Variants in ECT2L observed in about 807,000 individuals in gnomAD.
ECT2L encodes epithelial cell transforming 2 like.
A neutral mutation model predicts 122.8 loss-of-function variants in ECT2L; 126 were observed. That is an observed-to-expected ratio of 1.03 (90% CI 0.89 to 1.19). The LOEUF (loss-of-function observed/expected upper bound fraction) is 1.19. Among genes scored for constraint, ECT2L ranks in the 50% most tolerant of loss-of-function variants. The pLI is 0.00. For synonymous variants in ECT2L, 385 were observed against 381.8 expected, an observed-to-expected ratio of 1.01 and a Z score of -0.10; for missense variants, 1,012 against 1,064.1, an observed-to-expected ratio of 0.95 and a Z score of 0.68.
At chr6:138,880,835 C>T (rs1582651875) in intron 14 of ECT2L, 122 bp from the exon 15 acceptor site, 2 of 766,034 alleles carry the variant, frequency 2.6e-6, no homozygotes, top group African/African-American at 3.5e-5. Context: ...TCCGTAGCCC[C>T]CGTGAAGTCC....
intron 1 of ECT2L, among the ~76,000 whole-genome samples, chr6:138,799,993 G>A (rs1217108949): frequency 6.6e-6 from 1 of 152,098 alleles, no homozygotes; most frequent in Non-Finnish European, 1.5e-5. Context: ...AAATTAAGAT[G>A]TTAAATACAA....
At chr6:138,826,764 G>A (rs113633869) in intron 4 of ECT2L, among the ~76,000 whole-genome samples, 4,784 of 152,164 alleles carry the variant, frequency 0.031, 114 homozygotes, top group Middle Eastern at 0.09. Flanking sequence ...GAGATCTGGC[G>A]GGAGGTGTTT....
chr6:138,843,378 A>G, intron 6 of ECT2L, 147 bp downstream of exon 6: 1 of 771,848 alleles, frequency 1.3e-6, no homozygotes, highest in Non-Finnish European at 1.9e-6. Context: ...TTTTTTCCGT[A>G]CTGTATATTT....
intron 5 of ECT2L, among the ~76,000 whole-genome samples, chr6:138,840,456 C>T (rs1777000730): frequency 6.6e-6 from 1 of 152,000 alleles, no homozygotes; most frequent in South Asian, 2.1e-4. Context: ...CTTTTGCGTT[C>T]TATTTAATAT....
chr6:138,831,066 G>A (rs1776635450), intron 4 of ECT2L, among the ~76,000 whole-genome samples: 1 of 152,056 alleles, frequency 6.6e-6, no homozygotes, highest in African/African-American at 2.4e-5. Context: ...TATTTTAATG[G>A]TACCACCAGC....
rs150360438 is a variant in ECT2L at position 138,848,424 on chromosome 6, TATAAAA to T, written c.904-839_904-834del. Among the ~76,000 whole-genome samples, 1,013 of 152,268 alleles carry T rather than the reference TATAAAA, an allele frequency of 6.7e-3. 9 individuals are homozygous for T. The highest frequency in any genetic ancestry group is 0.023 in the African/African-American group (952 of 41,556). On this transcript the variant is annotated intron_variant, in intron 8 of 21. Transcript: ENST00000541398. The stretch of plus-strand genomic sequence containing the variant: ...TATATTTTAATTTTAATATGAATAA[TATAAAA>T]ATAAAGGAAGCACAAAGATGACCTT...
At chr6:138,827,286 T>G (rs1776483326) in intron 4 of ECT2L, among the ~76,000 whole-genome samples, 1 of 151,876 alleles carries the variant, frequency 6.6e-6, no homozygotes. Flanking sequence ...AGGTGGAGGT[T>G]GTAGTGAGCT....
At chr6:138,796,671 A>T (rs374525389) in intron 1 of ECT2L, among the ~76,000 whole-genome samples, 1 of 152,228 alleles carries the variant, frequency 6.6e-6, no homozygotes, top group Non-Finnish European at 1.5e-5. Context: ...GGTTATAAGG[A>T]TAGCTCTAAG....
intron 4 of ECT2L, among the ~76,000 whole-genome samples, chr6:138,835,962 C>A (rs1277565175): frequency 6.6e-6 from 1 of 152,130 alleles, no homozygotes; most frequent in Admixed American, 6.5e-5. Flanking sequence ...AGAGCACAGG[C>A]CTGCTGCTTT....
intron 10 of ECT2L, among the ~76,000 whole-genome samples, chr6:138,856,407 G>A (rs1777611781): frequency 1.3e-5 from 2 of 152,126 alleles, no homozygotes; most frequent in Admixed American, 1.3e-4. Context: ...TGGAGACGGG[G>A]TTTCACCATA....
chr6:138,841,337 A>C (rs1418979057), intron 5 of ECT2L, among the ~76,000 whole-genome samples: 1 of 152,178 alleles, frequency 6.6e-6, no homozygotes, highest in Non-Finnish European at 1.5e-5. Flanking sequence ...TGATCCTTTG[A>C]GTCTCTGGGT....
At position 138,848,842 on chromosome 6, in the gene ECT2L, C is replaced by T. The variant is rs117746188; in HGVS notation, c.904-427C>T. On this transcript the variant is annotated intron_variant, in intron 8 of 21. Coordinates refer to ENST00000541398, the MANE Select transcript of ECT2L (RefSeq NM_001077706.3). Reference sequence around the variant, plus strand: ...CTAATTTTTGTATTTTTTGTAGAGACAGGGGTTTCCTCATGTTGCCCAGGC... The same window carrying T: ...CTAATTTTTGTATTTTTTGTAGAGATAGGGGTTTCCTCATGTTGCCCAGGC... 4.6e-5 allele frequency among the ~76,000 whole-genome samples: 7 copies of T among 152,276 alleles called. No individual in the cohort carries two copies. In the East Asian group the frequency reaches 1.4e-3, roughly 29 times the overall value.
At position 138,885,507 on chromosome 6, in the gene ECT2L, G is replaced by A. The variant is rs373754055; in HGVS notation, c.2030G>A (p.Cys677Tyr). The change falls in exon 17 of 22, where the codon TGC (cysteine) becomes TAC (tyrosine). Residue 677 changes from cysteine to tyrosine, a missense_variant and splice_region_variant. Transcript: ENST00000541398. ...GACAATATAATCCTCACCTTTTAGT[G>A]CAGAGAAATGATACCAGCATTCCGA... Reference protein sequence around the residue: ...YPVILKTIEKCREMIPAFRTF... With the variant: ...YPVILKTIEKYREMIPAFRTF... The A allele has an allele frequency of 2.5e-6, 4 of 1,614,042 alleles. 1 individual carries two copies. The highest frequency in any genetic ancestry group is 3.3e-4 in the Middle Eastern group (2 of 6,060).
chr6:138,893,411 A>ATT (rs139721982), intron 20 of ECT2L, among the ~76,000 whole-genome samples: 10 of 149,674 alleles, frequency 6.7e-5, no homozygotes, highest in Non-Finnish European at 1.0e-4. Flanking sequence ...GAATATATAT[A>ATT]TATTTTTTTA....
intron 20 of ECT2L, among the ~76,000 whole-genome samples, chr6:138,896,869 A>C (rs1245796796): frequency 6.6e-6 from 1 of 151,944 alleles, no homozygotes; most frequent in Non-Finnish European, 1.5e-5. Context: ...GCTAGTCTCA[A>C]ACTCCTGACT....
intron 20 of ECT2L, among the ~76,000 whole-genome samples, chr6:138,900,333 G>A (rs1416906183): frequency 6.6e-6 from 1 of 151,550 alleles, no homozygotes; most frequent in Non-Finnish European, 1.5e-5. Flanking sequence ...TCCAATCTCT[G>A]ACTCCCAGGT....
chr6:138,813,937 G>T (rs1775986703), intron 3 of ECT2L, among the ~76,000 whole-genome samples: 1 of 152,102 alleles, frequency 6.6e-6, no homozygotes, highest in African/African-American at 2.4e-5. Context: ...AGCAAAGCTG[G>T]ACCGAAACGC....
rs755559534 is a variant in ECT2L, at chr6:138,838,491, C to T, written c.319C>T (p.Pro107Ser). 6.2e-7 allele frequency: 1 copy of T among 1,612,080 alleles called. No homozygotes were observed. Among genetic ancestry groups the T allele is most frequent in the South Asian group, 1.1e-5 (1 of 90,636 alleles). The change falls in exon 5 of 22, where the codon CCC becomes TCC. Residue 107 changes from proline to serine, a missense_variant. Coordinates refer to ENST00000541398, the MANE Select transcript of ECT2L (RefSeq NM_001077706.3). ...GTGTGCCGCTGCCCAAGTCAGCTGG[C>T]CCTGGAAGTTTTTAACTGAACAGGT... is the stretch of plus-strand genomic sequence containing the variant. ...DLCAAAQVSW[P>S]WKFLTEQDCL...
chr6:138,872,646 C>A (rs1403338000), intron 13 of ECT2L, among the ~76,000 whole-genome samples: 1 of 152,170 alleles, frequency 6.6e-6, no homozygotes, highest in Non-Finnish European at 1.5e-5. Context: ...AAACAGCACC[C>A]AGGCCTCTAA....
Sources: allele counts gnomAD v4.1 joint callset (sites outside exome capture counted in the v4.1 genomes callset), GRCh38; gene constraint gnomAD v4.1.1; transcripts MANE v1.5; gene names NCBI Gene and HGNC (gene_info 2026-07-23, HGNC 2026-07-21).